The following ZNF83 variants were observed in gnomAD, a reference collection of about 807,000 sequenced individuals.
The protein encoded by ZNF83 is zinc finger protein 816B.
For synonymous variants in ZNF83, 209 were observed against 213.0 expected (o/e 0.98, Z 0.17); for missense variants, 552 against 629.9 (o/e 0.88, Z 1.32).
chr19:52,628,525 G>C (rs611576), intron 2 of ZNF83, among the ~76,000 whole-genome samples: 119,522 of 152,046 alleles, frequency 0.79, 47,360 homozygotes, highest in African/African-American at 0.89. Context: ...CGGTCACGGA[G>C]TAGGGAAGGC....
At chr19:52,631,898 C>T (rs1465546533) in intron 2 of ZNF83, among the ~76,000 whole-genome samples, 9 of 151,054 alleles carry the variant, frequency 6.0e-5, no homozygotes, top group Non-Finnish European at 1.2e-4. Context: ...TCTCAGTGTT[C>T]CATCTGCTAT....
intron 3 of ZNF83, chr19:52,652,734 C>G (rs773694864): frequency 1.4e-6 from 1 of 731,216 alleles, no homozygotes; most frequent in Non-Finnish European, 2.3e-6. Flanking sequence ...TGTAAAGTTT[C>G]CCTATACCAT....
chr19:52,632,209 A>C (rs2060995749), intron 2 of ZNF83, among the ~76,000 whole-genome samples: 1 of 152,292 alleles, frequency 6.6e-6, no homozygotes, highest in South Asian at 2.1e-4. Context: ...TCAGCCAAGC[A>C]GTTTTTCAGG....
At chr19:52,615,453 T>C (rs57190769) in intron 2 of ZNF83, among the ~76,000 whole-genome samples, 2,490 of 152,186 alleles carry the variant, frequency 0.016, 61 homozygotes, top group African/African-American at 0.053. Context: ...AAGAAGCAGG[T>C]TGGGGCCAGG....
chr19:52,653,869 T>C (rs985244251), intron 3 of ZNF83, among the ~76,000 whole-genome samples: 1 of 152,240 alleles, frequency 6.6e-6, no homozygotes. Flanking sequence ...ATGTGAGCTA[T>C]AATTAAAGGC....
rs57077348 is a variant in ZNF83, at chr19:52,635,359, C to T, written c.-321-206G>A. ...ACACCCTTCTGGAGGAGTCCACACA[C>T]GCTGCAGCAGTGGGGAGCTGGGCTG... On this transcript the variant is annotated intron_variant, in intron 1 of 2. Coordinates refer to ENST00000301096, the Ensembl canonical transcript of ZNF83. 1.4e-3 allele frequency: 418 copies of T among 304,390 alleles called. 2 individuals carry two copies. The highest frequency in any genetic ancestry group is 8.0e-3 in the African/African-American group (372 of 46,440). The allele number at this position is 304,390 out of a possible 1,614,324, so 18.9% of individuals were successfully genotyped here. A position where few individuals can be genotyped will look rare whatever the true frequency, so the allele number is the denominator to read the frequency against.
chr19:52,674,110 G>A (rs1273133363), intron 1 of ZNF83: 3 of 151,750 alleles, frequency 2.0e-5, no homozygotes, highest in Admixed American at 6.6e-5. Context: ...CTCTGATATG[G>A]CTCTAGACCA....
exon 3 of ZNF83, chr19:52,612,505 G>A (rs2060139278): frequency 6.4e-6 from 1 of 155,778 alleles, no homozygotes; most frequent in Non-Finnish European, 1.4e-5. Flanking sequence ...CGGTTTTGAT[G>A]CCTGGGTAAA....
chr19:52,662,026 C>T lies in ZNF83; in HGVS notation c.-282-1183G>A, dbSNP rs1177154672. 2.6e-5 allele frequency among the ~76,000 whole-genome samples: 4 copies of T among 151,352 alleles called. No homozygotes were observed. In the Admixed American group the frequency reaches 2.7e-4, roughly 10 times the overall value. ...TGGAGCAGAGGGAGTGAGGAGGACACAGGCAGGAGATGAGATCAGGGAGGT... is the reference window on the plus strand; with the variant it reads ...TGGAGCAGAGGGAGTGAGGAGGACATAGGCAGGAGATGAGATCAGGGAGGT... On this transcript the variant is annotated intron_variant, in intron 1 of 5. Coordinates refer to the ZNF83 transcript ENST00000594682.
intron 2 of ZNF83, among the ~76,000 whole-genome samples, chr19:52,633,944 G>A: frequency 6.6e-6 from 1 of 152,128 alleles, no homozygotes; most frequent in East Asian, 1.9e-4. Context: ...TATACATCAT[G>A]TGATGTTCAA....
intron 2 of ZNF83, among the ~76,000 whole-genome samples, chr19:52,631,839 AC>A (rs1490441763): frequency 2.6e-5 from 4 of 152,170 alleles, no homozygotes; most frequent in African/African-American, 9.6e-5. Context: ...GCCTCTTAGA[AC>A]CTCTCATTTC....
intron 2 of ZNF83, chr19:52,619,061 C>T (rs769150672): frequency 6.2e-7 from 1 of 1,612,756 alleles, no homozygotes; most frequent in Non-Finnish European, 8.5e-7. Context: ...TGTCAATAGA[C>T]CCTGAAATGA....
chr19:52,669,749 C>T (rs901191179), intron 1 of ZNF83, among the ~76,000 whole-genome samples: 3 of 152,140 alleles, frequency 2.0e-5, no homozygotes, highest in African/African-American at 7.2e-5. Context: ...CCCTCACAGC[C>T]GTAATGGGTG....
intron 2 of ZNF83, among the ~76,000 whole-genome samples, chr19:52,631,979 A>G (rs1046960111): frequency 1.4e-5 from 2 of 143,656 alleles, no homozygotes; most frequent in Non-Finnish European, 3.1e-5. Context: ...ATTTGCCCCC[A>G]CCCAGGACTG....
exon 3 of ZNF83, chr19:52,613,323 T>A (rs889056469): frequency 6.2e-7 from 1 of 1,613,988 alleles, no homozygotes; most frequent in African/African-American, 1.3e-5. Flanking sequence ...ATGCAAGGTA[T>A]GAATTTTGAC....
intron 2 of ZNF83, among the ~76,000 whole-genome samples, chr19:52,632,176 C>T (rs1174572215): frequency 1.3e-5 from 2 of 152,122 alleles, no homozygotes; most frequent in East Asian, 3.9e-4. Context: ...AGTCTGACAG[C>T]AGACCAGACT....
intron 2 of ZNF83, among the ~76,000 whole-genome samples, chr19:52,622,546 G>A (rs1017977669): frequency 6.6e-6 from 1 of 151,930 alleles, no homozygotes; most frequent in Non-Finnish European, 1.5e-5. Context: ...GGCTCCCCAG[G>A]TATAGCTAGG....
chr19:52,660,139 T>C (rs530651176), intron 2 of ZNF83, among the ~76,000 whole-genome samples: 309 of 133,618 alleles, frequency 2.3e-3, no homozygotes, highest in African/African-American at 7.4e-3. Context: ...AGAATCATGG[T>C]GGTAAGACCA....
At chr19:52,656,255 C>A (rs28458342) in intron 2 of ZNF83, among the ~76,000 whole-genome samples, 1,914 of 152,112 alleles carry the variant, frequency 0.013, 41 homozygotes, top group African/African-American at 0.044. Context: ...GGCATGGGGG[C>A]TCACACCTAT....
Sources: gnomAD v4.1 joint callset for allele counts (sites outside exome capture counted in the v4.1 genomes callset) on GRCh38, gnomAD v4.1.1 for gene constraint, MANE v1.5 for transcripts, NCBI Gene and HGNC (gene_info 2026-07-23, HGNC 2026-07-21) for gene names.